Variants in HCN1 observed in about 807,000 individuals in gnomAD.
HCN1 encodes the protein potassium/sodium hyperpolarization-activated cyclic nucleotide-gated channel 1.
A neutral mutation model predicts 78.9 loss-of-function variants in HCN1; 13 were observed. That is an observed-to-expected ratio of 0.16 (90% CI 0.11 to 0.26). The LOEUF is 0.26. Ranked by LOEUF, HCN1 falls within the 10% of genes least tolerant of loss-of-function variation. The probability of loss-of-function intolerance (pLI) is 1.00; values close to 1 mark genes in which losing one functional copy is unlikely to be tolerated. For missense variants in HCN1, 810 were observed against 1,154.3 expected (o/e 0.70, Z 4.32); for synonymous variants, 552 against 455.5 (o/e 1.21, Z -2.70).
intron 1 of HCN1, among the ~76,000 whole-genome samples, chr5:45,658,584 C>A (rs1037328622): frequency 1.3e-5 from 2 of 151,862 alleles, no homozygotes; most frequent in Non-Finnish European, 1.5e-5. Context: ...TGGGCGCAGG[C>A]CAGTGTGTGC....
chr5:45,282,899 T>A (rs1745195829), intron 6 of HCN1, among the ~76,000 whole-genome samples: 1 of 152,178 alleles, frequency 6.6e-6, no homozygotes, highest in African/African-American at 2.4e-5. Flanking sequence ...AAATATTAGT[T>A]GAGTTGACAT....
At chr5:45,419,641 A>G (rs1014576422) in intron 3 of HCN1, among the ~76,000 whole-genome samples, 10 of 152,170 alleles carry the variant, frequency 6.6e-5, no homozygotes, top group Non-Finnish European at 4.4e-5. Context: ...CAGTTGGATT[A>G]GGCTAATGGA....
At chr5:45,673,642 T>A (rs1174686754) in intron 1 of HCN1, among the ~76,000 whole-genome samples, 2 of 151,590 alleles carry the variant, frequency 1.3e-5, no homozygotes, top group Admixed American at 6.6e-5. Flanking sequence ...CTTTTTTGAG[T>A]AATACAATTC....
chr5:45,594,594 G>A (rs967641389), intron 2 of HCN1, among the ~76,000 whole-genome samples: 3 of 152,148 alleles, frequency 2.0e-5, no homozygotes, highest in Non-Finnish European at 4.4e-5. Context: ...GCAATGTCAC[G>A]AGGGAAAGGG....
intron 2 of HCN1, among the ~76,000 whole-genome samples, chr5:45,498,348 G>A (rs755073056): frequency 4.6e-5 from 7 of 151,850 alleles, no homozygotes; most frequent in African/African-American, 9.7e-5. Context: ...ATGTTCCATC[G>A]CTGATACTGC....
intron 2 of HCN1, among the ~76,000 whole-genome samples, chr5:45,487,882 C>G (rs1415158378): frequency 6.6e-6 from 1 of 151,992 alleles, no homozygotes; most frequent in Admixed American, 6.6e-5. Flanking sequence ...AGAGAAGAAA[C>G]AGAAGGGTTT....
chr5:45,457,459 T>A (rs1421042803), intron 3 of HCN1, among the ~76,000 whole-genome samples: 1 of 152,148 alleles, frequency 6.6e-6, no homozygotes, highest in Non-Finnish European at 1.5e-5. Flanking sequence ...CAGATAGAAT[T>A]ATATAATTCA....
intron 5 of HCN1, among the ~76,000 whole-genome samples, chr5:45,310,857 T>G (rs1411124909): frequency 6.6e-6 from 1 of 152,138 alleles, no homozygotes; most frequent in Non-Finnish European, 1.5e-5. Context: ...GATCATGTCT[T>G]TTGCAGGGAC....
intron 2 of HCN1, among the ~76,000 whole-genome samples, chr5:45,498,866 C>T (rs1742119586): frequency 2.0e-5 from 3 of 152,156 alleles, no homozygotes; most frequent in South Asian, 2.1e-4. Context: ...TCTGCCCCTG[C>T]CGTGTGGTGC....
intron 2 of HCN1, among the ~76,000 whole-genome samples, chr5:45,563,796 C>G (rs2111886851): frequency 6.6e-6 from 1 of 152,252 alleles, no homozygotes; most frequent in South Asian, 2.1e-4. Flanking sequence ...AACATTTTGT[C>G]TAATTCACCC....
At chr5:45,659,224 C>A (rs1372765325) in intron 1 of HCN1, among the ~76,000 whole-genome samples, 2 of 145,714 alleles carry the variant, frequency 1.4e-5, no homozygotes, top group African/African-American at 5.2e-5. Flanking sequence ...GGTATTCTAA[C>A]AGACCTGCAG....
rs1458076923 is a variant in HCN1, at chr5:45,510,825, TC to T, written c.850-48819del. The stretch of plus-strand genomic sequence containing the variant: ...AAGTTACTTAATGATATCTGTTATA[TC>T]CCATCCTCAATAGCTGTCACATCTG... On this transcript the variant is annotated intron_variant, in intron 2 of 7. Transcript: ENST00000303230. Among the ~76,000 whole-genome samples, 12 of 152,042 alleles carry T rather than the reference TC, an allele frequency of 7.9e-5. No individual in the cohort carries two copies. The South Asian group carries it at 2.5e-3, about 32-fold the overall frequency.
At chr5:45,613,386 G>A (rs1436093481) in intron 2 of HCN1, among the ~76,000 whole-genome samples, 1 of 151,942 alleles carries the variant, frequency 6.6e-6, no homozygotes, top group Admixed American at 6.6e-5. Flanking sequence ...TGCCACATCA[G>A]AGAAATGCAA....
At chr5:45,618,059 T>C (rs1744989199) in intron 2 of HCN1, among the ~76,000 whole-genome samples, 1 of 143,488 alleles carries the variant, frequency 7.0e-6, no homozygotes, top group Non-Finnish European at 1.6e-5. Flanking sequence ...AGATGGGAAA[T>C]TCAGATATAA....
intron 2 of HCN1, among the ~76,000 whole-genome samples, chr5:45,550,211 G>A (rs567423268): frequency 1.2e-4 from 18 of 152,140 alleles, no homozygotes; most frequent in African/African-American, 4.1e-4. Context: ...TGTTTATTGC[G>A]GCACTATTCA....
intron 3 of HCN1, among the ~76,000 whole-genome samples, chr5:45,406,824 C>T (rs1284502635): frequency 4.6e-5 from 7 of 152,044 alleles, no homozygotes; most frequent in Admixed American, 1.3e-4. Flanking sequence ...TAGAGAAAAA[C>T]GCTGAGGTAA....
chr5:45,673,177 T>C (rs1174571109), intron 1 of HCN1, among the ~76,000 whole-genome samples: 1 of 151,446 alleles, frequency 6.6e-6, no homozygotes, highest in African/African-American at 2.4e-5. Flanking sequence ...AAAATTAGGA[T>C]TTATCTGGTG....
chr5:45,628,259 C>T (rs890968744), intron 2 of HCN1, among the ~76,000 whole-genome samples: 2 of 152,182 alleles, frequency 1.3e-5, no homozygotes, highest in Non-Finnish European at 2.9e-5. Context: ...TCCCTAACAT[C>T]ACTATTTCAC....
At chr5:45,545,513 G>T (rs1743197397) in intron 2 of HCN1, among the ~76,000 whole-genome samples, 1 of 152,094 alleles carries the variant, frequency 6.6e-6, no homozygotes, top group African/African-American at 2.4e-5. Flanking sequence ...TAGTCATGAA[G>T]TCCTTGCCCA....
Sources: allele counts gnomAD v4.1 joint callset (sites outside exome capture counted in the v4.1 genomes callset), GRCh38; gene constraint gnomAD v4.1.1; transcripts MANE v1.5; gene names NCBI Gene and HGNC (gene_info 2026-07-23, HGNC 2026-07-21).